The following LRGUK variants were observed in gnomAD, a reference collection of about 807,000 sequenced individuals.
LRGUK encodes leucine-rich repeat and guanylate kinase domain-containing protein.
LRGUK carries 65 observed loss-of-function variants against 76.0 expected under a neutral mutation model. That is an observed-to-expected ratio of 0.85 (90% CI 0.70 to 1.05). The LOEUF (loss-of-function observed/expected upper bound fraction) is 1.05. Ranked by LOEUF, LRGUK falls within the 50% of genes least tolerant of loss-of-function variation. The pLI is 0.00. For synonymous variants in LRGUK, 268 were observed against 265.6 expected, an observed-to-expected ratio of 1.01 and a Z score of -0.09; for missense variants, 758 against 732.8, an observed-to-expected ratio of 1.03 and a Z score of -0.40.
chr7:134,174,522 A>C (rs899836753), intron 7 of LRGUK, 34 bp from the exon 8 acceptor site: 1 of 1,256,172 alleles, frequency 8.0e-7, no homozygotes, highest in East Asian at 2.3e-5. Context: ...TTGTGCATTT[A>C]GTCTGTTGAT....
downstream of LRGUK, among the ~76,000 whole-genome samples, chr7:134,214,057 A>G (rs117885469): frequency 1.5e-3 from 221 of 152,386 alleles, no homozygotes; most frequent in Non-Finnish European, 2.5e-3. Context: ...TTGGCATGAA[A>G]GCCTTCCTCA....
intron 3 of LRGUK, among the ~76,000 whole-genome samples, chr7:134,141,854 T>A (rs1477474372): frequency 6.6e-6 from 1 of 152,202 alleles, no homozygotes; most frequent in Non-Finnish European, 1.5e-5. Context: ...AACAAAGTGT[T>A]AATGTCTCAA....
intron 16 of LRGUK, among the ~76,000 whole-genome samples, chr7:134,225,507 G>C (rs1023404831): frequency 6.6e-6 from 1 of 152,126 alleles, no homozygotes; most frequent in Non-Finnish European, 1.5e-5. Context: ...CTGAGGTTCT[G>C]GTGCCTTTGC....
intron 3 of LRGUK, among the ~76,000 whole-genome samples, chr7:134,141,368 A>G (rs531967196): frequency 6.6e-6 from 1 of 152,148 alleles, no homozygotes; most frequent in Admixed American, 6.5e-5. Context: ...GGAAATTTGC[A>G]TTTCGAATAA....
chr7:134,249,048 C>A, exon 18 of LRGUK: 2 of 1,590,374 alleles, frequency 1.3e-6, no homozygotes, highest in Non-Finnish European at 1.7e-6. Flanking sequence ...CTATTTTAAA[C>A]CTCCATTTGG....
chr7:134,169,183 C>T (rs1044178899), intron 7 of LRGUK, among the ~76,000 whole-genome samples: 1 of 84,478 alleles, frequency 1.2e-5, no homozygotes. Flanking sequence ...CACACACACA[C>T]ACACACACAC....
chr7:134,250,040 C>G (rs924223914), intron 18 of LRGUK, among the ~76,000 whole-genome samples: 2 of 152,036 alleles, frequency 1.3e-5, no homozygotes, highest in Admixed American at 1.3e-4. Context: ...AGACCAGTGA[C>G]AGCGAACCAA....
intron 3 of LRGUK, among the ~76,000 whole-genome samples, chr7:134,142,775 G>A (rs1222717619): frequency 6.6e-6 from 1 of 152,296 alleles, no homozygotes. Context: ...GCGGGCATGC[G>A]GAAGAGGCCG....
At position 134,209,419 on chromosome 7, in the gene LRGUK, G is replaced by A. The variant is rs962330531; in HGVS notation, c.2556G>A (p.Pro852=). 1.7e-4 allele frequency: 69 copies of A among 398,984 alleles called. 1 individual carries two copies. In the East Asian group the frequency reaches 2.4e-3, roughly 14 times the overall value. 24.7% of individuals were successfully genotyped at this position (398,984 alleles called of 1,614,324 possible). A position where few individuals can be genotyped will look rare whatever the true frequency, so the allele number is the denominator to read the frequency against. Reference sequence around the variant, plus strand: ...CTCTGAAGGAGGAAACCTCCAAACCGGAAGCCATCCGAGTCAGTATCCCTC... The same window carrying A: ...CTCTGAAGGAGGAAACCTCCAAACCAGAAGCCATCCGAGTCAGTATCCCTC... The change falls in exon 16 of 16, where the codon CCG becomes CCA. Residue 852 remains proline, a synonymous_variant. Coordinates refer to ENST00000645682, the Ensembl canonical transcript of LRGUK.
the LRGUK span, among the ~76,000 whole-genome samples, chr7:134,271,063 A>G: frequency 2.6e-5 from 4 of 152,050 alleles, no homozygotes; most frequent in Non-Finnish European, 5.9e-5. Context: ...CCAATTGTCA[A>G]GTAAAGTTGA....
chr7:134,158,011 C>T (rs760926695), intron 5 of LRGUK, 24 bp from the exon 6 acceptor site: 2 of 1,583,816 alleles, frequency 1.3e-6, no homozygotes, highest in South Asian at 1.1e-5. Flanking sequence ...TAACATTTTC[C>T]TTAAACGTAG....
intron 16 of LRGUK, among the ~76,000 whole-genome samples, chr7:134,240,024 A>G (rs1802104587): frequency 6.6e-6 from 1 of 152,236 alleles, no homozygotes; most frequent in African/African-American, 2.4e-5. Flanking sequence ...AACAGAAAGG[A>G]CATCCACACC....
chr7:134,135,222 G>T (rs1392296475), intron 1 of LRGUK, among the ~76,000 whole-genome samples: 1 of 152,174 alleles, frequency 6.6e-6, no homozygotes, highest in Non-Finnish European at 1.5e-5. Flanking sequence ...GCTTTTTAGG[G>T]AATGAATAGT....
rs35965572 is a variant in LRGUK, at chr7:134,221,870, C to T, written c.1935C>T (p.Asn645=). ...ATTTCCTGCATTCTACAGACAGAAA[C>T]TACCTCATTAAATTTTGGGCCAAAC... Residue 645 remains asparagine (N), a synonymous_variant, in exon 16 of 20, where the codon AAC becomes AAT. Transcript: ENST00000285928. The T allele has an allele frequency of 5.4e-3, 8,642 of 1,597,488 alleles. 206 individuals carry two copies. The African/African-American group carries it at 0.066, about 12-fold the overall frequency.
chr7:134,157,550 T>C (rs1485948723), intron 5 of LRGUK, among the ~76,000 whole-genome samples: 1 of 152,132 alleles, frequency 6.6e-6, no homozygotes, highest in Non-Finnish European at 1.5e-5. Context: ...TGAGACGGAG[T>C]CTTGCTCTGT....
At chr7:134,193,946 C>T (rs1160875449) in intron 12 of LRGUK, among the ~76,000 whole-genome samples, 1 of 152,180 alleles carries the variant, frequency 6.6e-6, no homozygotes, top group Non-Finnish European at 1.5e-5. Flanking sequence ...CAGGGGCCTC[C>T]TCTATCCCAT....
chr7:134,256,293 A>G (rs559163176), intron 18 of LRGUK, among the ~76,000 whole-genome samples: 1 of 152,082 alleles, frequency 6.6e-6, no homozygotes, highest in African/African-American at 2.4e-5. Context: ...CCCCGTCTCT[A>G]CTAAAAATAC....
intron 10 of LRGUK, 34 bp from the exon 11 acceptor site, chr7:134,183,699 GC>G: frequency 6.2e-7 from 1 of 1,612,008 alleles, no homozygotes; most frequent in Non-Finnish European, 8.5e-7. Context: ...CTCCCTGACT[GC>G]AATAGGAGAA....
intron 15 of LRGUK, among the ~76,000 whole-genome samples, chr7:134,207,770 T>C (rs1174057800): frequency 6.6e-6 from 1 of 152,176 alleles, no homozygotes; most frequent in Admixed American, 6.5e-5. Flanking sequence ...GAGACTAGCT[T>C]CTTCAAGGCT....
Sources: gnomAD v4.1 joint callset for allele counts (sites outside exome capture counted in the v4.1 genomes callset) on GRCh38, gnomAD v4.1.1 for gene constraint, MANE v1.5 for transcripts, NCBI Gene and HGNC (gene_info 2026-07-23, HGNC 2026-07-21) for gene names.